DNM1L: variants seen among roughly 807,000 people sequenced by gnomAD.
The protein encoded by DNM1L is dynamin-1-like protein.
In DNM1L, 33 loss-of-function variants were observed where a neutral mutation model predicts 92.8. That is an observed-to-expected ratio of 0.36 (90% CI 0.27 to 0.48). DNM1L has a LOEUF of 0.48. Ranked by LOEUF, DNM1L falls within the 20% of genes least tolerant of loss-of-function variation. DNM1L has a pLI of 0.99. For synonymous variants in DNM1L, 284 were observed against 305.0 expected, an observed-to-expected ratio of 0.93 and a Z score of 0.72; for missense variants, 485 against 888.8, an observed-to-expected ratio of 0.55 and a Z score of 5.78.
chr12:32,692,288 C>A (rs10844301), intron 1 of DNM1L, among the ~76,000 whole-genome samples: 23,419 of 152,058 alleles, frequency 0.15, 1,909 homozygotes, highest in Middle Eastern at 0.21. Context: ...TCAGGAATAG[C>A]GACAACATGT....
chr12:32,708,183 GA>G lies in DNM1L; in HGVS notation c.331del (p.Ile111LeufsTer15). The G allele has an allele frequency of 6.2e-7, 1 of 1,605,626 alleles. No homozygotes were observed. Among genetic ancestry groups the G allele is most frequent in the Non-Finnish European group, 8.5e-7 (1 of 1,173,236 alleles). On this transcript the variant is annotated frameshift_variant, in exon 4 of 20. Transcript: ENST00000549701. LOFTEE classifies it high-confidence loss of function. ...CACGGATTTTGATGAAATTCGACAA[GA>G]AATTGAAAATGAAACAGAAAGAATT... ...LYTDFDEIRQ[E>X]IENETERISG...
rs1954133626 is a variant in DNM1L, at chr12:32,726,256, T to C, written c.1079+3623T>C. The stretch of plus-strand genomic sequence containing the variant: ...CAGATTGGTCTTTAAAATATCAGTT[T>C]CCTGTCCTTTAAAACAAAAATTACC... On this transcript the variant is annotated intron_variant, in intron 9 of 19. Coordinates refer to ENST00000549701, the MANE Select transcript of DNM1L (RefSeq NM_012062.5). 3.4e-5 allele frequency: 26 copies of C among 758,300 alleles called. No homozygotes were observed. In the South Asian group the frequency reaches 4.3e-4, roughly 12 times the overall value. 47.0% of individuals were successfully genotyped at this position (758,300 alleles called of 1,614,324 possible).
In DNM1L at chr12:32,737,917, C is replaced by T. The variant is rs143236486; in HGVS notation, c.1649C>T (p.Ala550Val). ...LAPASQEPSP[A>V]ASAEADGKLI... is the part of the protein sequence containing the mutation. ...CCTGCCTCCCAGGAGCCCTCCCCCG[C>T]TGCTTCTGCTGAGGCTGATGGCAAG... is the stretch of plus-strand genomic sequence containing the variant. The change falls in exon 15 of 20, where the codon GCT (alanine) becomes GTT (valine). Residue 550 changes from alanine to valine, a missense_variant. Transcript: ENST00000549701. The T allele has an allele frequency of 6.2e-7, 1 of 1,613,952 alleles. No individual in the cohort carries two copies. The highest frequency in any genetic ancestry group is 2.2e-5 in the East Asian group (1 of 44,858).
At chr12:32,739,331 T>C (rs951032963) in intron 16 of DNM1L, among the ~76,000 whole-genome samples, 4 of 152,236 alleles carry the variant, frequency 2.6e-5, no homozygotes, top group African/African-American at 9.6e-5. Flanking sequence ...AAAGTCATTT[T>C]TGACTTTTAG....
In DNM1L at chr12:32,731,827, C is replaced by T. The variant is rs969882447; in HGVS notation, c.1357-27C>T. 11 of 1,453,018 alleles carry T rather than the reference C, an allele frequency of 7.6e-6. No individual in the cohort carries two copies. Among genetic ancestry groups the T allele is most frequent in the South Asian group, 1.2e-5 (1 of 86,462 alleles). 90.0% of individuals were successfully genotyped at this position (1,453,018 alleles called of 1,614,324 possible). ...TTAAAAAAAAAACAAAAAACAAACA[C>T]GTTTTTCTTTCATCTACCATTTGTA... On this transcript the variant is annotated intron_variant, in intron 11 of 19. Transcript: ENST00000549701. The surrounding 1 kb of genome is among the most constrained non-coding windows in gnomAD (Gnocchi z 5.1).
chr12:32,717,312 T>TAC (rs1565517224), intron 6 of DNM1L, among the ~76,000 whole-genome samples: 17 of 82,248 alleles, frequency 2.1e-4, no homozygotes, highest in African/African-American at 2.6e-4. Flanking sequence ...ATACTATATA[T>TAC]TATATATACA....
At chr12:32,695,440 AAAATT>A (rs1301226819) in intron 1 of DNM1L, among the ~76,000 whole-genome samples, 2 of 152,184 alleles carry the variant, frequency 1.3e-5, no homozygotes, top group Admixed American at 6.5e-5. Flanking sequence ...TTGCATAAGA[AAAATT>A]AAAAAATTAA....
chr12:32,686,944 T>TTC (rs1565487350), intron 1 of DNM1L, among the ~76,000 whole-genome samples: 2 of 143,028 alleles, frequency 1.4e-5, no homozygotes, highest in African/African-American at 5.3e-5. Flanking sequence ...TTTCTTTTTT[T>TTC]TTTTTTTTTT....
At chr12:32,714,855 C>T (rs748742662) in intron 6 of DNM1L, among the ~76,000 whole-genome samples, 1 of 150,910 alleles carries the variant, frequency 6.6e-6, no homozygotes, top group Non-Finnish European at 1.5e-5. Flanking sequence ...AAACAATTAG[C>T]TGGGTATGGT....
chr12:32,745,264 G>A lies in DNM1L; in HGVS notation c.*1854G>A, dbSNP rs1303797493. The A allele has an allele frequency of 6.5e-5, 15 of 231,080 alleles. No individual in the cohort carries two copies. Among genetic ancestry groups the A allele is most frequent in the Non-Finnish European group, 1.2e-4 (14 of 116,866 alleles). 14.3% of individuals were successfully genotyped at this position (231,080 alleles called of 1,614,324 possible). On this transcript the variant is annotated 3_prime_UTR_variant, in exon 20 of 20. Coordinates refer to ENST00000549701, the MANE Select transcript of DNM1L (RefSeq NM_012062.5). The stretch of plus-strand genomic sequence containing the variant: ...TTTCCAGATGACTATCATTATTCTA[G>A]TCCTTTGAATTTGTAAGGGGAAAAA...
intron 15 of DNM1L, 35 bp downstream of exon 15, chr12:32,737,977 T>C (rs900853321): frequency 1.3e-6 from 2 of 1,595,908 alleles, no homozygotes; most frequent in Non-Finnish European, 1.7e-6. Flanking sequence ...CCTGCATGCC[T>C]TGTTCTCTGG....
intron 1 of DNM1L, among the ~76,000 whole-genome samples, chr12:32,686,144 G>A (rs1419400702): frequency 2.9e-5 from 4 of 140,012 alleles, no homozygotes; most frequent in Admixed American, 8.0e-5. Context: ...TCCACCTCCC[G>A]GGTTCAAGTG....
intron 9 of DNM1L, among the ~76,000 whole-genome samples, chr12:32,724,002 A>T (rs1953944137): frequency 6.6e-6 from 1 of 152,188 alleles, no homozygotes; most frequent in Non-Finnish European, 1.5e-5. Context: ...TGTTAAGAGC[A>T]GGAAATCTAG....
At chr12:32,701,626 T>C in intron 2 of DNM1L, 64 bp downstream of exon 2, 1 of 1,425,192 alleles carries the variant, frequency 7.0e-7, no homozygotes, top group Non-Finnish European at 9.9e-7. Context: ...CTTAAAAAGA[T>C]ATGAATTGAT....
At chr12:32,733,399 A>G (rs971558706) in intron 12 of DNM1L, 4 of 265,326 alleles carry the variant, frequency 1.5e-5, no homozygotes, top group Admixed American at 5.0e-5. Context: ...AAAGTTGCAT[A>G]AAGTGTTGGA....
intron 1 of DNM1L, among the ~76,000 whole-genome samples, chr12:32,681,135 CAT>C (rs1951785732): frequency 1.3e-5 from 2 of 152,068 alleles, no homozygotes; most frequent in East Asian, 1.9e-4. Flanking sequence ...AAGCCATTAA[CAT>C]GTGCAAAAAC....
chr12:32,733,480 T>C (rs1349577909), intron 12 of DNM1L: 1 of 489,202 alleles, frequency 2.0e-6, no homozygotes, highest in Non-Finnish European at 3.6e-6. Flanking sequence ...TTTAATGTTA[T>C]TTTTCCCTCT....
At chr12:32,716,254 G>A (rs1953361134) in intron 6 of DNM1L, among the ~76,000 whole-genome samples, 1 of 151,752 alleles carries the variant, frequency 6.6e-6, no homozygotes, top group Non-Finnish European at 1.5e-5. Context: ...GGGGGGGGTG[G>A]CAATGTCTTG....
Position 32,722,785 on chromosome 12 carries a change from G to A in DNM1L, c.1079+152G>A, listed in dbSNP as rs561630630. 1.4e-4 allele frequency: 84 copies of A among 595,944 alleles called. 1 individual carries two copies. In the South Asian group the frequency reaches 1.9e-3, roughly 13 times the overall value. 36.9% of individuals were successfully genotyped at this position (595,944 alleles called of 1,614,324 possible). A position where few individuals can be genotyped will look rare whatever the true frequency, so the allele number is the denominator to read the frequency against. ...TGTAGAGATAATAGGATGATGTCTG[G>A]TTGTGTGAAAATATGCTTTGTAAAT... On this transcript the variant is annotated intron_variant, in intron 9 of 19. Coordinates refer to ENST00000549701, the MANE Select transcript of DNM1L (RefSeq NM_012062.5).
Sources: allele counts gnomAD v4.1 joint callset (sites outside exome capture counted in the v4.1 genomes callset), GRCh38; gene constraint gnomAD v4.1.1; non-coding constraint Gnocchi (gnomAD v3.1); transcripts MANE v1.5; gene names NCBI Gene and HGNC (gene_info 2026-07-23, HGNC 2026-07-21).